The following SPPL3 variants were observed in gnomAD, a reference collection of about 807,000 sequenced individuals.
SPPL3 encodes signal peptide peptidase like 3, also known as signal peptide peptidase-like 3.
In SPPL3, 5 loss-of-function variants were observed where a neutral mutation model predicts 42.4. That is an observed-to-expected ratio of 0.12 (90% CI 0.06 to 0.25). The LOEUF is 0.25. SPPL3 is among the 10% of genes least tolerant of loss of function. SPPL3 has a pLI of 1.00. For synonymous variants in SPPL3, 195 were observed against 181.8 expected (o/e 1.07, Z -0.58); for missense variants, 235 against 489.0 (o/e 0.48, Z 4.90).
chr12:120,868,035 C>A (rs993259560), intron 1 of SPPL3, among the ~76,000 whole-genome samples: 1 of 152,140 alleles, frequency 6.6e-6, no homozygotes, highest in Non-Finnish European at 1.5e-5. Flanking sequence ...GCATGGGCCA[C>A]GGCACCCAGC....
intron 1 of SPPL3, among the ~76,000 whole-genome samples, chr12:120,874,576 G>A (rs906294559): frequency 6.6e-6 from 1 of 152,082 alleles, no homozygotes; most frequent in African/African-American, 2.4e-5. Flanking sequence ...GATAACAGCA[G>A]CACAAAGGCA....
At chr12:120,863,244 A>C (rs1872665569) in intron 1 of SPPL3, among the ~76,000 whole-genome samples, 1 of 152,086 alleles carries the variant, frequency 6.6e-6, no homozygotes, top group Non-Finnish European at 1.5e-5. Flanking sequence ...GCTACTCCAG[A>C]GGCTAAGCCA....
chr12:120,893,851 A>G (rs931783547), intron 1 of SPPL3, among the ~76,000 whole-genome samples: 1 of 151,924 alleles, frequency 6.6e-6, no homozygotes, highest in Non-Finnish European at 1.5e-5. Flanking sequence ...TTTCCTCTCC[A>G]TACTCTTACC....
chr12:120,844,944 T>C (rs911088374), intron 1 of SPPL3, among the ~76,000 whole-genome samples: 1 of 151,566 alleles, frequency 6.6e-6, no homozygotes, highest in South Asian at 2.1e-4. Context: ...CTATTTACAT[T>C]GAATAAAAAG....
chr12:120,859,229 CAAATCCAA>C (rs1872555241), intron 1 of SPPL3, among the ~76,000 whole-genome samples: 1 of 152,100 alleles, frequency 6.6e-6, no homozygotes, highest in African/African-American at 2.4e-5. Context: ...TTGAACACTG[CAAATCCAA>C]AAATCCAAAA....
At chr12:120,791,740 A>T (rs1440746610) in intron 2 of SPPL3, 183 bp from the exon 3 acceptor site, 1 of 530,242 alleles carries the variant, frequency 1.9e-6, no homozygotes, top group Non-Finnish European at 3.3e-6. Context: ...GTGTCAGTTC[A>T]AGAGTTTTCC....
At chr12:120,766,237 C>T (rs1459706481) in intron 10 of SPPL3, 26 bp downstream of exon 10, 1 of 1,536,770 alleles carries the variant, frequency 6.5e-7, no homozygotes, top group African/African-American at 1.4e-5. Context: ...TTATTGCTTT[C>T]ACAGGTTTAT....
intron 1 of SPPL3, among the ~76,000 whole-genome samples, chr12:120,866,925 A>T (rs1450852360): frequency 6.6e-6 from 1 of 152,216 alleles, no homozygotes; most frequent in Non-Finnish European, 1.5e-5. Flanking sequence ...CCTCAAATAG[A>T]TGTCCCTAGA....
intron 1 of SPPL3, among the ~76,000 whole-genome samples, chr12:120,843,817 G>C (rs1449938084): frequency 6.6e-6 from 1 of 152,102 alleles, no homozygotes; most frequent in Non-Finnish European, 1.5e-5. Context: ...AATTAGCCAG[G>C]CATGGTGGCA....
At chr12:120,864,917 T>C (rs1457720562) in intron 1 of SPPL3, among the ~76,000 whole-genome samples, 3 of 152,128 alleles carry the variant, frequency 2.0e-5, no homozygotes, top group Non-Finnish European at 4.4e-5. Context: ...AAAACAAAAC[T>C]GTAGAGTGTG....
chr12:120,798,400 T>C (rs1870177388), intron 2 of SPPL3, among the ~76,000 whole-genome samples: 1 of 152,230 alleles, frequency 6.6e-6, no homozygotes, highest in African/African-American at 2.4e-5. Flanking sequence ...AAAAACTTTT[T>C]CCTAATTAGT....
intron 1 of SPPL3, among the ~76,000 whole-genome samples, chr12:120,888,227 C>G (rs939638474): frequency 3.3e-5 from 5 of 152,092 alleles, no homozygotes; most frequent in African/African-American, 1.2e-4. Flanking sequence ...AGGCGTCCAC[C>G]ACCACGCCCA....
chr12:120,792,937 A>C (rs985044735), intron 2 of SPPL3, among the ~76,000 whole-genome samples: 5 of 152,164 alleles, frequency 3.3e-5, no homozygotes, highest in Non-Finnish European at 7.3e-5. Flanking sequence ...AAAACAGAGA[A>C]AAACTTAAAA....
At chr12:120,782,890 A>C (rs1376879345) in intron 5 of SPPL3, 123 bp from the exon 6 acceptor site, 9 of 691,762 alleles carry the variant, frequency 1.3e-5, no homozygotes, top group Non-Finnish European at 2.0e-5. Context: ...TGGAAATCCA[A>C]AATACCCAAT....
rs892759581 is a variant in SPPL3, at chr12:120,767,687, A to C, written c.774-94T>G. On this transcript the variant is annotated intron_variant, in intron 8 of 10. Coordinates refer to ENST00000353487, the MANE Select transcript of SPPL3 (RefSeq NM_139015.5). ...GTTTGTTAGCTTTTTAAGGAGTCAAAGAGCTTATCTGCATGGCAGATGGAA... is the reference window on the plus strand; with the variant it reads ...GTTTGTTAGCTTTTTAAGGAGTCAACGAGCTTATCTGCATGGCAGATGGAA... 5 of 1,260,868 alleles carry C rather than the reference A, an allele frequency of 4.0e-6. No homozygotes were observed. In the African/African-American group the frequency reaches 5.9e-5, roughly 15 times the overall value. 78.1% of individuals were successfully genotyped at this position (1,260,868 alleles called of 1,614,324 possible).
chr12:120,863,573 T>C (rs1872675220), intron 1 of SPPL3, among the ~76,000 whole-genome samples: 1 of 152,242 alleles, frequency 6.6e-6, no homozygotes, highest in Non-Finnish European at 1.5e-5. Context: ...TAGTTTAAAA[T>C]GTGAGTGGTA....
intron 1 of SPPL3, among the ~76,000 whole-genome samples, chr12:120,858,012 GAAC>G (rs1164455031): frequency 7.2e-6 from 1 of 139,678 alleles, no homozygotes; most frequent in Non-Finnish European, 1.7e-5. Context: ...CATTAAAAAT[GAAC>G]AACAGGAAAG....
At chr12:120,833,370 G>A (rs969993851) in intron 1 of SPPL3, among the ~76,000 whole-genome samples, 1 of 152,130 alleles carries the variant, frequency 6.6e-6, no homozygotes, top group African/African-American at 2.4e-5. Flanking sequence ...AGACAGCCTC[G>A]ATAGGAAACT....
intron 1 of SPPL3, among the ~76,000 whole-genome samples, chr12:120,891,924 A>G (rs1364791374): frequency 2.6e-5 from 4 of 152,174 alleles, no homozygotes; most frequent in African/African-American, 9.6e-5. Flanking sequence ...AGAGCGCTCT[A>G]AAGGGCTTGT....
Sources: allele counts gnomAD v4.1 joint callset (sites outside exome capture counted in the v4.1 genomes callset), GRCh38; gene constraint gnomAD v4.1.1; transcripts MANE v1.5; gene names NCBI Gene and HGNC (gene_info 2026-07-23, HGNC 2026-07-21).